BCAR3: variants seen among roughly 807,000 people sequenced by gnomAD.
BCAR3 encodes BCAR3 adaptor protein, NSP family member.
In BCAR3, 37 loss-of-function variants were observed where a neutral mutation model predicts 80.1. The ratio of observed to expected loss-of-function variants is 0.46; its 90% CI spans 0.36 to 0.61. The LOEUF is 0.61. Ranked by LOEUF, BCAR3 falls within the 20% of genes least tolerant of loss-of-function variation. The pLI, the probability that BCAR3 is intolerant of heterozygous loss-of-function variation, is 0.00. For synonymous variants in BCAR3, 389 were observed against 418.9 expected (o/e 0.93, Z 0.87); for missense variants, 978 against 1,068.2 (o/e 0.92, Z 1.18).
chr1:93,736,133 A>T (rs1650963050), intron 2 of BCAR3, among the ~76,000 whole-genome samples: 1 of 152,196 alleles, frequency 6.6e-6, no homozygotes, highest in East Asian at 1.9e-4. Context: ...ATTCCATTTT[A>T]AAACAATAAA....
chr1:93,699,436 C>T (rs1347147269), intron 3 of BCAR3, among the ~76,000 whole-genome samples: 1 of 152,156 alleles, frequency 6.6e-6, no homozygotes, highest in Admixed American at 6.5e-5. Context: ...ACACTCCTTG[C>T]CTCCCCAACC....
At chr1:93,566,851 C>G (rs551795728) in intron 11 of BCAR3, among the ~76,000 whole-genome samples, 10 of 152,314 alleles carry the variant, frequency 6.6e-5, no homozygotes, top group African/African-American at 2.2e-4. Context: ...CCTCAGCCTC[C>G]TGAGTAGCTG....
intron 2 of BCAR3, among the ~76,000 whole-genome samples, chr1:93,725,373 T>G (rs1650545034): frequency 6.6e-6 from 1 of 152,264 alleles, no homozygotes; most frequent in African/African-American, 2.4e-5. Flanking sequence ...CCAGCCTGCC[T>G]GTACTTCCTT....
At chr1:93,692,172 A>G (rs1649216912) in intron 3 of BCAR3, among the ~76,000 whole-genome samples, 1 of 152,220 alleles carries the variant, frequency 6.6e-6, no homozygotes, top group Non-Finnish European at 1.5e-5. Flanking sequence ...CATCCAGTGC[A>G]AGAGCAGCTG....
intron 3 of BCAR3, among the ~76,000 whole-genome samples, chr1:93,617,317 C>A (rs569553564): frequency 1.3e-5 from 2 of 152,274 alleles, no homozygotes; most frequent in African/African-American, 4.8e-5. Flanking sequence ...GAAAGATATG[C>A]CTGCTAGGTA....
intron 2 of BCAR3, among the ~76,000 whole-genome samples, chr1:93,813,179 C>T (rs1207820456): frequency 6.6e-6 from 1 of 152,064 alleles, no homozygotes; most frequent in Non-Finnish European, 1.5e-5. Context: ...GTCCACTGTT[C>T]TTCCTCCACC....
chr1:93,674,993 C>G, intron 1 of BCAR3, 52 bp from the exon 2 acceptor site: 1 of 1,395,070 alleles, frequency 7.2e-7, no homozygotes, highest in East Asian at 2.5e-5. Context: ...GTCACAAGAA[C>G]TGACTTCCTA....
At chr1:93,587,501 T>A (rs757314374) in intron 5 of BCAR3, among the ~76,000 whole-genome samples, 9 of 152,186 alleles carry the variant, frequency 5.9e-5, no homozygotes, top group Non-Finnish European at 1.3e-4. Flanking sequence ...CGCTTGCCCA[T>A]GGTTGAAAAG....
At chr1:93,819,109 C>T (rs1412063847) in intron 2 of BCAR3, among the ~76,000 whole-genome samples, 1 of 151,422 alleles carries the variant, frequency 6.6e-6, no homozygotes, top group African/African-American at 2.4e-5. Flanking sequence ...ACTCTGTTGC[C>T]GGGCTAGAGT....
intron 3 of BCAR3, among the ~76,000 whole-genome samples, chr1:93,601,527 G>T (rs560445614): frequency 1.3e-5 from 2 of 152,286 alleles, no homozygotes; most frequent in Admixed American, 1.3e-4. Flanking sequence ...ATGTATTAGC[G>T]CCAGGTGGCT....
chr1:93,746,568 C>T (rs11164972), intron 2 of BCAR3, among the ~76,000 whole-genome samples: 62,130 of 151,726 alleles, frequency 0.41, 14,050 homozygotes, highest in Non-Finnish European at 0.51. Context: ...CCACAGCCTG[C>T]GGGCATCCTC....
At chr1:93,822,756 AT>A (rs111537038) in intron 2 of BCAR3, among the ~76,000 whole-genome samples, 52 of 147,860 alleles carry the variant, frequency 3.5e-4, no homozygotes, top group Non-Finnish European at 4.3e-4. Context: ...ACAGAGTTTG[AT>A]TTTTTTTTTT....
intron 2 of BCAR3, among the ~76,000 whole-genome samples, chr1:93,781,020 C>T (rs1235457528): frequency 1.3e-5 from 2 of 152,136 alleles, no homozygotes; most frequent in African/African-American, 4.8e-5. Context: ...AGGGGAGGGC[C>T]AGTAGGAAAA....
chr1:93,698,275 C>A (rs1480134545), intron 3 of BCAR3, among the ~76,000 whole-genome samples: 1 of 152,198 alleles, frequency 6.6e-6, no homozygotes, highest in African/African-American at 2.4e-5. Context: ...ACTGCATTTG[C>A]TGGGGAAAGG....
chr1:93,689,473 G>T (rs1365949384), intron 3 of BCAR3, among the ~76,000 whole-genome samples: 1 of 151,268 alleles, frequency 6.6e-6, no homozygotes, highest in Admixed American at 6.6e-5. Context: ...GGAGGTAGCA[G>T]TGAGCCGAGA....
chr1:93,701,313 C>T (rs961709609), intron 3 of BCAR3, among the ~76,000 whole-genome samples: 1 of 152,114 alleles, frequency 6.6e-6, no homozygotes, highest in Non-Finnish European at 1.5e-5. Context: ...CTTAGGGGGC[C>T]CAAGGCCTCC....
At chr1:93,653,889 C>T (rs1160318587) in intron 2 of BCAR3, among the ~76,000 whole-genome samples, 1 of 152,200 alleles carries the variant, frequency 6.6e-6, no homozygotes, top group Non-Finnish European at 1.5e-5. Context: ...GGACTGCAAG[C>T]TGTTCAGGAG....
intron 2 of BCAR3, among the ~76,000 whole-genome samples, chr1:93,650,723 A>G (rs1676296088): frequency 6.6e-6 from 1 of 152,200 alleles, no homozygotes; most frequent in African/African-American, 2.4e-5. Flanking sequence ...AATCACATTA[A>G]TAAGGTCTTC....
At chr1:93,567,248 T>A in intron 11 of BCAR3, 31 bp downstream of exon 11, 1 of 1,608,794 alleles carries the variant, frequency 6.2e-7, no homozygotes, top group East Asian at 2.2e-5. Context: ...GATACAGTGT[T>A]AGAGAACAGC....
Sources: allele counts gnomAD v4.1 joint callset (sites outside exome capture counted in the v4.1 genomes callset), GRCh38; gene constraint gnomAD v4.1.1; transcripts MANE v1.5; gene names NCBI Gene and HGNC (gene_info 2026-07-23, HGNC 2026-07-21).